The following GLIS3 variants were observed in gnomAD, a reference collection of about 807,000 sequenced individuals.
The protein encoded by GLIS3 is GLIS family zinc finger 3, also known as zinc finger protein GLIS3.
Under a neutral mutation model 78.6 loss-of-function variants are expected in GLIS3, and 53 were observed. The ratio of observed to expected loss-of-function variants is 0.67; its 90% CI spans 0.54 to 0.85. GLIS3 has a LOEUF of 0.85. Among genes scored for constraint, GLIS3 ranks in the 40% least tolerant of loss-of-function variants. GLIS3 has a pLI of 0.00. For missense variants in GLIS3, 1,703 were observed against 1,231.1 expected, an observed-to-expected ratio of 1.38 and a Z score of -5.74; for synonymous variants, 684 against 509.9, an observed-to-expected ratio of 1.34 and a Z score of -4.60.
Position 4,171,114 on chromosome 9 carries a change from A to C in GLIS3, c.389-45173T>G, listed in dbSNP as rs535780567. On this transcript the variant is annotated intron_variant, in intron 2 of 10. Coordinates refer to ENST00000381971, the MANE Select transcript of GLIS3 (RefSeq NM_001042413.2). ...GTATCACCTGTAAGTCATATTTAGAATACCAGACATTCACTTCTGAAATAT... is the reference window on the plus strand; with the variant it reads ...GTATCACCTGTAAGTCATATTTAGACTACCAGACATTCACTTCTGAAATAT... 1.1e-4 allele frequency among the ~76,000 whole-genome samples: 17 copies of C among 152,314 alleles called. No homozygotes were observed. In the South Asian group the frequency reaches 3.3e-3, roughly 30 times the overall value.
At chr9:4,357,479 T>A in the GLIS3 span, among the ~76,000 whole-genome samples, 1 of 152,110 alleles carries the variant, frequency 6.6e-6, no homozygotes, top group East Asian at 1.9e-4. Flanking sequence ...TCAGACTTTA[T>A]CCCATAAACT....
At chr9:4,399,579 C>G in the GLIS3 span, among the ~76,000 whole-genome samples, 2,544 of 152,284 alleles carry the variant, frequency 0.017, 77 homozygotes, top group African/African-American at 0.058. Flanking sequence ...CATAATGCCA[C>G]GTTTAATCTT....
At chr9:4,236,184 C>CAAA (rs59839951) in intron 2 of GLIS3, among the ~76,000 whole-genome samples, 926 of 83,930 alleles carry the variant, frequency 0.011, 32 homozygotes, top group African/African-American at 0.026. Flanking sequence ...GTGGTTGTCA[C>CAAA]AAAAAAAAAA....
At chr9:4,206,769 A>G (rs6476824) in intron 2 of GLIS3, among the ~76,000 whole-genome samples, 73,622 of 152,112 alleles carry the variant, frequency 0.48, 19,564 homozygotes, top group South Asian at 0.7. Flanking sequence ...GAAACTCTGC[A>G]TCAGTTTACC....
chr9:3,883,132 T>G (rs1203189720), intron 7 of GLIS3, among the ~76,000 whole-genome samples: 1 of 152,210 alleles, frequency 6.6e-6, no homozygotes, highest in Non-Finnish European at 1.5e-5. Flanking sequence ...AGCTGTGGCT[T>G]CAACAGAATT....
chr9:4,177,419 T>A (rs541668563), intron 2 of GLIS3, among the ~76,000 whole-genome samples: 5 of 152,244 alleles, frequency 3.3e-5, no homozygotes, highest in Non-Finnish European at 7.4e-5. Flanking sequence ...AGCCCCAAAT[T>A]TTGGTTGACA....
intron 2 of GLIS3, among the ~76,000 whole-genome samples, chr9:4,264,625 T>C (rs1318040433): frequency 6.6e-6 from 1 of 152,146 alleles, no homozygotes; most frequent in African/African-American, 2.4e-5. Context: ...TCCTTAGGTC[T>C]GCAGATGCCA....
At chr9:4,436,437 T>C in the GLIS3 span, among the ~76,000 whole-genome samples, 2 of 152,142 alleles carry the variant, frequency 1.3e-5, no homozygotes, top group Non-Finnish European at 2.9e-5. Flanking sequence ...TCTCTGTCTG[T>C]TCAGGTTCCT....
chr9:4,266,457 T>C (rs1005896048), intron 2 of GLIS3, among the ~76,000 whole-genome samples: 11 of 152,098 alleles, frequency 7.2e-5, no homozygotes, highest in African/African-American at 1.9e-4. Context: ...AGAGATGCAA[T>C]AGTGACTTTG....
intron 2 of GLIS3, among the ~76,000 whole-genome samples, chr9:4,163,371 G>A (rs973215085): frequency 1.3e-5 from 2 of 152,252 alleles, no homozygotes; most frequent in African/African-American, 4.8e-5. Flanking sequence ...AGAGCTGGAG[G>A]ATACCTCATT....
intron 4 of GLIS3, among the ~76,000 whole-genome samples, chr9:3,986,559 C>T (rs1819755115): frequency 6.6e-6 from 1 of 152,216 alleles, no homozygotes; most frequent in Admixed American, 6.5e-5. Context: ...AGCTATTCTC[C>T]AGAGGCACAG....
intron 2 of GLIS3, among the ~76,000 whole-genome samples, chr9:4,129,969 G>A (rs186021829): frequency 2.4e-4 from 37 of 152,308 alleles, no homozygotes; most frequent in African/African-American, 8.2e-4. Flanking sequence ...TGGAGATGAG[G>A]AACTTGTTGG....
intron 2 of GLIS3, among the ~76,000 whole-genome samples, chr9:4,250,877 G>C (rs943037318): frequency 6.6e-6 from 1 of 152,226 alleles, no homozygotes; most frequent in African/African-American, 2.4e-5. Context: ...TTACCCAGTA[G>C]TCATTCAGGA....
the GLIS3 span, among the ~76,000 whole-genome samples, chr9:4,435,664 C>T: frequency 6.6e-6 from 1 of 152,184 alleles, no homozygotes; most frequent in Admixed American, 6.5e-5. Flanking sequence ...AAAATCTTCC[C>T]CTAGGCCAGG....
intron 4 of GLIS3, among the ~76,000 whole-genome samples, chr9:3,972,866 C>A (rs1436814137): frequency 6.6e-6 from 1 of 152,122 alleles, no homozygotes; most frequent in Non-Finnish European, 1.5e-5. Context: ...TACTTCTTCC[C>A]AAAACACGTT....
intron 3 of GLIS3, among the ~76,000 whole-genome samples, chr9:4,120,880 G>C (rs774150904): frequency 6.6e-6 from 1 of 152,244 alleles, no homozygotes; most frequent in South Asian, 2.1e-4. Flanking sequence ...GTATTATTTG[G>C]TTTCAGGGCA....
At chr9:3,993,477 T>C (rs1820495820) in intron 4 of GLIS3, among the ~76,000 whole-genome samples, 1 of 152,180 alleles carries the variant, frequency 6.6e-6, no homozygotes, top group African/African-American at 2.4e-5. Flanking sequence ...GAAATATGTA[T>C]AAGTATGAAT....
intron 4 of GLIS3, among the ~76,000 whole-genome samples, chr9:3,969,785 A>G (rs920399579): frequency 1.3e-5 from 2 of 152,186 alleles, no homozygotes; most frequent in Admixed American, 1.3e-4. Flanking sequence ...GGTTGCTTTC[A>G]GTCACTCCTA....
upstream of GLIS3, among the ~76,000 whole-genome samples, chr9:4,349,425 T>C (rs115162814): frequency 1.4e-3 from 219 of 152,344 alleles, 1 homozygote; most frequent in African/African-American, 5.0e-3. Flanking sequence ...TATCCTGGCA[T>C]GCACATTGCA....
Sources: allele counts gnomAD v4.1 joint callset (sites outside exome capture counted in the v4.1 genomes callset), GRCh38; gene constraint gnomAD v4.1.1; transcripts MANE v1.5; gene names NCBI Gene and HGNC (gene_info 2026-07-23, HGNC 2026-07-21).